Variants in CNTNAP2 observed in about 807,000 individuals in gnomAD.
CNTNAP2 encodes contactin-associated protein-like 2.
Under a neutral mutation model 155.2 loss-of-function variants are expected in CNTNAP2, and 98 were observed. That is an observed-to-expected ratio of 0.63 (90% CI 0.54 to 0.75). The LOEUF is 0.75. Among genes scored for constraint, CNTNAP2 ranks in the 30% least tolerant of loss-of-function variants. The pLI is 0.00. For missense variants in CNTNAP2, 1,727 were observed against 1,688.1 expected (o/e 1.02, Z -0.40); for synonymous variants, 651 against 631.2 (o/e 1.03, Z -0.47).
intron 16 of CNTNAP2, among the ~76,000 whole-genome samples, chr7:148,144,575 C>T (rs987348781): frequency 1.3e-5 from 2 of 152,176 alleles, no homozygotes; most frequent in South Asian, 2.1e-4. Flanking sequence ...CAAACCATGG[C>T]TAACTTGTTA....
chr7:147,124,852 C>G (rs904246627), intron 6 of CNTNAP2, among the ~76,000 whole-genome samples: 4 of 144,272 alleles, frequency 2.8e-5, no homozygotes, highest in Non-Finnish European at 6.1e-5. Context: ...TGATGTAACT[C>G]TATGTGGACA....
intron 1 of CNTNAP2, among the ~76,000 whole-genome samples, chr7:146,161,684 A>G (rs1448047527): frequency 6.6e-6 from 1 of 152,206 alleles, no homozygotes; most frequent in African/African-American, 2.4e-5. Flanking sequence ...TATGGAACCA[A>G]AAAGAGCCCG....
chr7:146,930,585 A>T (rs1361607850), intron 3 of CNTNAP2, among the ~76,000 whole-genome samples: 1 of 152,222 alleles, frequency 6.6e-6, no homozygotes, highest in Non-Finnish European at 1.5e-5. Flanking sequence ...ACGCATAACA[A>T]TATTAACTTT....
chr7:147,620,897 A>G (rs529115551), intron 12 of CNTNAP2, among the ~76,000 whole-genome samples: 1 of 152,282 alleles, frequency 6.6e-6, no homozygotes, highest in East Asian at 1.9e-4. Flanking sequence ...ATAAAACACT[A>G]AGCAGATTTG....
Position 147,300,177 on chromosome 7 carries a change from G to T in CNTNAP2, c.1385G>T (p.Arg462Leu), listed in dbSNP as rs774717843. ...GLNDGQWHEV[R>L]FLAKENFAIL... ...AATGATGGACAGTGGCACGAGGTTC[G>T]CTTCCTAGCCAAGGAAAATTTTGCT... The change falls in exon 9 of 24, where the codon CGC (arginine) becomes CTC (leucine). Residue 462 changes from arginine (R) to leucine (L), a missense_variant. Coordinates refer to ENST00000361727, the MANE Select transcript of CNTNAP2 (RefSeq NM_014141.6). The T allele has an allele frequency of 6.2e-7, 1 of 1,613,952 alleles. No homozygotes were observed. The highest frequency in any genetic ancestry group is 8.5e-7 in the Non-Finnish European group (1 of 1,179,918).
chr7:148,320,664 G>C (rs187374134), intron 21 of CNTNAP2, among the ~76,000 whole-genome samples: 1 of 152,028 alleles, frequency 6.6e-6, no homozygotes, highest in Non-Finnish European at 1.5e-5. Flanking sequence ...GATTACAGGC[G>C]TGAGCCACCA....
chr7:147,874,547 C>G (rs944917827), intron 13 of CNTNAP2, among the ~76,000 whole-genome samples: 7 of 152,392 alleles, frequency 4.6e-5, no homozygotes, highest in Non-Finnish European at 5.9e-5. Context: ...AGCAGGGGGG[C>G]CCTGGGCCCA....
intron 2 of CNTNAP2, among the ~76,000 whole-genome samples, chr7:146,813,981 C>G (rs1309024716): frequency 6.6e-6 from 1 of 152,120 alleles, no homozygotes; most frequent in Admixed American, 6.6e-5. Flanking sequence ...GTGTTTACTT[C>G]CCCTTCCATC....
chr7:147,933,049 T>A (rs1800533752), intron 14 of CNTNAP2, among the ~76,000 whole-genome samples: 1 of 108,538 alleles, frequency 9.2e-6, no homozygotes, highest in African/African-American at 3.3e-5. Flanking sequence ...TGGTTTTTAT[T>A]TGAGGGGGTT....
chr7:148,205,811 A>C (rs572213223), intron 18 of CNTNAP2, among the ~76,000 whole-genome samples: 1 of 152,292 alleles, frequency 6.6e-6, no homozygotes, highest in East Asian at 1.9e-4. Context: ...ACATTTATTG[A>C]ATATCTGCTG....
At chr7:146,871,541 ATAAATAAAT>A in intron 3 of CNTNAP2, among the ~76,000 whole-genome samples, 1 of 151,966 alleles carries the variant, frequency 6.6e-6, no homozygotes, top group East Asian at 1.9e-4. Context: ...AAAAAAATAA[ATAAATAAAT>A]TAAATAAATA....
chr7:148,369,540 A>G (rs1798849925), intron 21 of CNTNAP2, among the ~76,000 whole-genome samples: 1 of 152,008 alleles, frequency 6.6e-6, no homozygotes, highest in South Asian at 2.1e-4. Flanking sequence ...TGTTATCATT[A>G]TTAAGCATTC....
chr7:147,398,203 A>T (rs1796851710), intron 10 of CNTNAP2, among the ~76,000 whole-genome samples: 1 of 152,090 alleles, frequency 6.6e-6, no homozygotes, highest in Non-Finnish European at 1.5e-5. Context: ...CTCATAGAGC[A>T]GTGATGTATC....
At chr7:148,231,448 G>T (rs1795959294) in intron 20 of CNTNAP2, among the ~76,000 whole-genome samples, 1 of 152,180 alleles carries the variant, frequency 6.6e-6, no homozygotes, top group African/African-American at 2.4e-5. Flanking sequence ...TATAGAATTT[G>T]AAAAAGATAA....
At chr7:146,466,480 T>G (rs1796719401) in intron 1 of CNTNAP2, among the ~76,000 whole-genome samples, 1 of 152,156 alleles carries the variant, frequency 6.6e-6, no homozygotes, top group African/African-American at 2.4e-5. Context: ...ACTGTTAAAT[T>G]TTACCTAATA....
In CNTNAP2 at chr7:148,295,601, C is replaced by G. The variant is rs577699149; in HGVS notation, c.3475+28475C>G. Among the ~76,000 whole-genome samples the G allele has an allele frequency of 6.9e-4, 95 of 138,510 alleles. 2 individuals are homozygous for G. The highest frequency in any genetic ancestry group is 9.8e-4 in the Admixed American group (14 of 14,236). 90.9% of individuals were successfully genotyped at this position (138,510 alleles called of 152,430 possible). ...CCGCCTCCCGGGTTCACCCCATTCT[C>G]CTGCCTCAGCCTCCCGAGTAGCTGG... On this transcript the variant is annotated intron_variant, in intron 21 of 23. Transcript: ENST00000361727.
At chr7:146,884,100 G>A (rs1795607882) in intron 3 of CNTNAP2, among the ~76,000 whole-genome samples, 1 of 152,020 alleles carries the variant, frequency 6.6e-6, no homozygotes, top group Admixed American at 6.6e-5. Flanking sequence ...GGTATATGCA[G>A]GGGATGGGTT....
chr7:146,329,307 T>C (rs1434605815), intron 1 of CNTNAP2, among the ~76,000 whole-genome samples: 1 of 152,166 alleles, frequency 6.6e-6, no homozygotes, highest in Non-Finnish European at 1.5e-5. Context: ...CTTTAACCTA[T>C]CATGTTCCAA....
rs148276410 is a variant in CNTNAP2 at position 147,311,240 on chromosome 7, C to T, written c.1498+10950C>T. 2.9e-3 allele frequency among the ~76,000 whole-genome samples: 441 copies of T among 152,164 alleles called. 5 individuals carry two copies. The highest frequency in any genetic ancestry group is 0.01 in the African/African-American group (419 of 41,512). ...TCTTCATCATGGGTTAGTTCAGGTA[C>T]TCTAAGAAGCAGAGGTTAAGACAGA... On this transcript the variant is annotated intron_variant, in intron 9 of 23. Transcript: ENST00000361727.
Sources: allele counts gnomAD v4.1 joint callset (sites outside exome capture counted in the v4.1 genomes callset), GRCh38; gene constraint gnomAD v4.1.1; transcripts MANE v1.5; gene names NCBI Gene and HGNC (gene_info 2026-07-23, HGNC 2026-07-21).